The following ADGRL2 variants were observed in gnomAD, a reference collection of about 807,000 sequenced individuals.
ADGRL2 encodes adhesion G protein-coupled receptor L2.
A neutral mutation model predicts 157.4 loss-of-function variants in ADGRL2; 44 were observed. That is an observed-to-expected ratio of 0.28 (90% CI 0.22 to 0.36). The LOEUF (loss-of-function observed/expected upper bound fraction) is 0.36. Ranked by LOEUF, ADGRL2 falls within the 10% of genes least tolerant of loss-of-function variation. The pLI is 1.00. For missense variants in ADGRL2, 1,510 were observed against 1,768.9 expected, an observed-to-expected ratio of 0.85 and a Z score of 2.63; for synonymous variants, 585 against 624.7, an observed-to-expected ratio of 0.94 and a Z score of 0.95.
chr1:81,895,626 C>G (rs915088706), intron 2 of ADGRL2, among the ~76,000 whole-genome samples: 3 of 152,002 alleles, frequency 2.0e-5, no homozygotes, highest in African/African-American at 7.2e-5. Flanking sequence ...AACTCCTGAC[C>G]TCAGGTGATC....
chr1:81,711,363 G>A (rs72715706), intron 1 of ADGRL2, among the ~76,000 whole-genome samples: 2,731 of 152,304 alleles, frequency 0.018, 41 homozygotes, highest in South Asian at 0.051. Context: ...ATTTCATGAA[G>A]AGAGCAGCTA....
intron 1 of ADGRL2, among the ~76,000 whole-genome samples, chr1:81,396,296 C>G (rs1382500131): frequency 1.3e-5 from 2 of 152,212 alleles, no homozygotes; most frequent in South Asian, 2.1e-4. Flanking sequence ...TCTTTTTTCA[C>G]TAGTTCATTG....
At chr1:81,839,106 G>A (rs2092426263) in intron 2 of ADGRL2, among the ~76,000 whole-genome samples, 1 of 152,002 alleles carries the variant, frequency 6.6e-6, no homozygotes, top group South Asian at 2.1e-4. Context: ...TAGGTAAGAA[G>A]GCATAGGAAG....
intron 2 of ADGRL2, among the ~76,000 whole-genome samples, chr1:81,794,732 T>G (rs943156030): frequency 1.3e-5 from 2 of 152,176 alleles, no homozygotes; most frequent in South Asian, 2.1e-4. Context: ...TCTAAGTGAT[T>G]GATTTCATAC....
At chr1:81,523,289 G>T (rs1214316767) in intron 2 of ADGRL2, among the ~76,000 whole-genome samples, 1 of 151,826 alleles carries the variant, frequency 6.6e-6, no homozygotes, top group Non-Finnish European at 1.5e-5. Flanking sequence ...TTTTTTATAT[G>T]AAAAAATAAA....
chr1:81,344,666 CA>C (rs71592731), intron 1 of ADGRL2, among the ~76,000 whole-genome samples: 721 of 55,956 alleles, frequency 0.013, 3 homozygotes, highest in East Asian at 0.045. Flanking sequence ...AACTCTGTCT[CA>C]AAAAAAAAAA....
chr1:81,474,361 G>A (rs1400759427), intron 2 of ADGRL2, among the ~76,000 whole-genome samples: 2 of 152,168 alleles, frequency 1.3e-5, no homozygotes, highest in South Asian at 2.1e-4. Context: ...ACTCTAATGA[G>A]CCTTAAATAG....
chr1:81,928,384 GTTTA>G lies in ADGRL2; in HGVS notation c.288-8338_288-8335del, dbSNP rs574213594. Among the ~76,000 whole-genome samples the G allele has an allele frequency of 4.6e-3, 702 of 152,136 alleles. 2 individuals carry two copies. The highest frequency in any genetic ancestry group is 5.8e-3 in the Non-Finnish European group (395 of 67,934). On this transcript the variant is annotated intron_variant, in intron 3 of 23. Transcript: ENST00000686636. Reference sequence around the variant, plus strand: ...CTGGTGTTTATTTTCTATTAACCATGTTTATTTATGAGCAGAAATAGCCAGATAA... The same window carrying G: ...CTGGTGTTTATTTTCTATTAACCATGTTTATGAGCAGAAATAGCCAGATAA...
chr1:81,376,994 A>G (rs894848053), intron 1 of ADGRL2, among the ~76,000 whole-genome samples: 24 of 152,152 alleles, frequency 1.6e-4, no homozygotes, highest in Non-Finnish European at 8.8e-5. Context: ...TTGAGCCCAG[A>G]CTGAGCCAAA....
chr1:81,569,260 C>G (rs2080631742), intron 2 of ADGRL2, among the ~76,000 whole-genome samples: 1 of 151,894 alleles, frequency 6.6e-6, no homozygotes, highest in Non-Finnish European at 1.5e-5. Context: ...GAATTTTTTC[C>G]CCATTTTTCC....
Position 81,836,865 on chromosome 1 carries a change from T to G in ADGRL2, c.-100-20T>G. 1 of 597,444 alleles carries G rather than the reference T, an allele frequency of 1.7e-6. No homozygotes were observed. Among genetic ancestry groups the G allele is most frequent in the Non-Finnish European group, 3.0e-6 (1 of 336,296 alleles). The allele number at this position is 597,444 out of a possible 1,614,324, so 37.0% of individuals were successfully genotyped here. Reference sequence around the variant, plus strand: ...TGTAGAAAGACCATAGAGTAAGTGATGGATTTGTTTGTTTTTCAGATATGA... The same window carrying G: ...TGTAGAAAGACCATAGAGTAAGTGAGGGATTTGTTTGTTTTTCAGATATGA... On this transcript the variant is annotated intron_variant, in intron 1 of 23. Coordinates refer to ENST00000686636, the MANE Select transcript of ADGRL2 (RefSeq NM_001366006.2).
chr1:81,808,348 T>C (rs570486727), intron 1 of ADGRL2, among the ~76,000 whole-genome samples: 1 of 152,214 alleles, frequency 6.6e-6, no homozygotes, highest in East Asian at 1.9e-4. Flanking sequence ...TCTACATTGC[T>C]TAATAATATC....
chr1:81,826,668 C>T (rs1306822921), intron 1 of ADGRL2, among the ~76,000 whole-genome samples: 1 of 152,038 alleles, frequency 6.6e-6, no homozygotes, highest in African/African-American at 2.4e-5. Flanking sequence ...AATTCATGAG[C>T]CAGGATGGGA....
At position 81,397,307 on chromosome 1, in the gene ADGRL2, T is replaced by C. The variant is rs575103559; in HGVS notation, c.-301-47729T>C. On this transcript the variant is annotated intron_variant, in intron 1 of 24. Transcript: ENST00000370721. The stretch of plus-strand genomic sequence containing the variant: ...TGTATTTCTGTGGTATTAGTTATAA[T>C]GTCTCCTTTTTTTTTTTTTTTTTTT... 2.8e-5 allele frequency among the ~76,000 whole-genome samples: 4 copies of C among 143,656 alleles called. No individual in the cohort carries two copies. The East Asian group carries it at 8.8e-4, about 32-fold the overall frequency. The allele number at this position is 143,656 out of a possible 152,430, so 94.2% of individuals were successfully genotyped here.
chr1:81,713,684 T>A (rs1441463695), intron 1 of ADGRL2, among the ~76,000 whole-genome samples: 1 of 152,204 alleles, frequency 6.6e-6, no homozygotes, highest in African/African-American at 2.4e-5. Flanking sequence ...GTCTGTGAGC[T>A]ATTATTATCC....
rs541646269 is a variant in ADGRL2 at position 81,418,725 on chromosome 1, G to A, written c.-301-26311G>A. Among the ~76,000 whole-genome samples the A allele has an allele frequency of 2.6e-5, 4 of 152,316 alleles. No individual in the cohort carries two copies. The South Asian group carries it at 8.3e-4, about 32-fold the overall frequency. ...GCTGAAATCGGGCCTCTGCACTCCA[G>A]CCTGGACGACAGAGTGAGACTCCAT... is the stretch of plus-strand genomic sequence containing the variant. On this transcript the variant is annotated intron_variant, in intron 1 of 24. Transcript: ENST00000370721.
At chr1:81,532,280 C>T (rs1544070) in intron 2 of ADGRL2, among the ~76,000 whole-genome samples, 97,595 of 151,940 alleles carry the variant, frequency 0.64, 31,851 homozygotes, top group East Asian at 0.89. Flanking sequence ...TGTTATAAAC[C>T]CTCAGAGCCC....
chr1:81,307,690 A>T (rs540321392), intron 1 of ADGRL2, among the ~76,000 whole-genome samples: 1 of 152,306 alleles, frequency 6.6e-6, no homozygotes, highest in African/African-American at 2.4e-5. Flanking sequence ...CCTCTGGTAT[A>T]CTGAATAGTT....
At chr1:81,351,447 C>T (rs1263490692) in intron 1 of ADGRL2, among the ~76,000 whole-genome samples, 2 of 151,976 alleles carry the variant, frequency 1.3e-5, no homozygotes, top group East Asian at 1.9e-4. Flanking sequence ...TCTAGAATCT[C>T]TTACATGTAT....
Sources: allele counts gnomAD v4.1 joint callset (sites outside exome capture counted in the v4.1 genomes callset), GRCh38; gene constraint gnomAD v4.1.1; transcripts MANE v1.5; gene names NCBI Gene and HGNC (gene_info 2026-07-23, HGNC 2026-07-21).